The following HNF4G variants were observed in gnomAD, a reference collection of about 807,000 sequenced individuals.
The protein encoded by HNF4G is hepatocyte nuclear factor 4-gamma.
Under a neutral mutation model 50.9 loss-of-function variants are expected in HNF4G, and 21 were observed. That is an observed-to-expected ratio of 0.41 (90% CI 0.29 to 0.59). HNF4G has a LOEUF of 0.59. Ranked by LOEUF, HNF4G falls within the 20% of genes least tolerant of loss-of-function variation. The pLI is 0.26. For missense variants in HNF4G, 527 were observed against 559.4 expected, an observed-to-expected ratio of 0.94 and a Z score of 0.58; for synonymous variants, 198 against 185.6, an observed-to-expected ratio of 1.07 and a Z score of -0.54.
At chr8:75,435,538 A>G (rs1044659692) in intron 1 of HNF4G, among the ~76,000 whole-genome samples, 2 of 152,194 alleles carry the variant, frequency 1.3e-5, no homozygotes, top group African/African-American at 4.8e-5. Flanking sequence ...GACTGGACCC[A>G]GGGCAATGGC....
In HNF4G at chr8:75,471,785, A is replaced by G. The variant is rs573498187; in HGVS notation, c.-143-18304A>G. Reference sequence around the variant, plus strand: ...TTTTCTAATTGGCAAAATAATAATGATGCTAAAGTGTACTCCCAATGTTGT... The same window carrying G: ...TTTTCTAATTGGCAAAATAATAATGGTGCTAAAGTGTACTCCCAATGTTGT... On this transcript the variant is annotated intron_variant, in intron 1 of 10. Coordinates refer to the HNF4G transcript ENST00000354370. Among the ~76,000 whole-genome samples the G allele has an allele frequency of 1.3e-5, 2 of 152,298 alleles. 1 individual carries two copies. The highest frequency in any genetic ancestry group is 2.9e-5 in the Non-Finnish European group (2 of 68,014).
Position 75,565,361 on chromosome 8 carries a change from T to A in HNF4G, c.*1265T>A, listed in dbSNP as rs1322293975. 6.6e-6 allele frequency: 1 copy of A among 152,194 alleles called. No individual in the cohort carries two copies. Among genetic ancestry groups the A allele is most frequent in the Non-Finnish European group, 1.5e-5 (1 of 68,030 alleles). 9.4% of individuals were successfully genotyped at this position (152,194 alleles called of 1,614,324 possible). On this transcript the variant is annotated 3_prime_UTR_variant, in exon 10 of 10. Coordinates refer to ENST00000396423, the MANE Select transcript of HNF4G (RefSeq NM_004133.5). Reference sequence around the variant, plus strand: ...ACCACTTTTGTAGTTTTAACCAGACTTTCTCTTAAAAACATTAGATAAAAT... The same window carrying A: ...ACCACTTTTGTAGTTTTAACCAGACATTCTCTTAAAAACATTAGATAAAAT...
chr8:75,416,279 A>G (rs1339120731), intron 1 of HNF4G, among the ~76,000 whole-genome samples: 2 of 152,194 alleles, frequency 1.3e-5, no homozygotes, highest in Admixed American at 1.3e-4. Context: ...TTTTTTCTGC[A>G]TACGGCTGAC....
At chr8:75,547,535 CTTCTTTTG>C (rs1806821798) in intron 2 of HNF4G, 44 bp from the exon 3 acceptor site, 2 of 1,250,978 alleles carry the variant, frequency 1.6e-6, no homozygotes, top group South Asian at 2.5e-5. Context: ...TGTTTATTTG[CTTCTTTTG>C]TAAATTATAG....
chr8:75,430,133 A>G (rs1017403530), intron 1 of HNF4G, among the ~76,000 whole-genome samples: 3 of 151,082 alleles, frequency 2.0e-5, no homozygotes, highest in South Asian at 2.1e-4. Context: ...CCTGGTCAAC[A>G]GAACGAGATC....
intron 1 of HNF4G, among the ~76,000 whole-genome samples, chr8:75,478,444 C>G (rs1314593638): frequency 6.6e-6 from 1 of 152,114 alleles, no homozygotes; most frequent in Admixed American, 6.5e-5. Context: ...GTTTTTTGTA[C>G]AGCGGATTTT....
At chr8:75,423,060 C>T (rs1414203824) in intron 1 of HNF4G, among the ~76,000 whole-genome samples, 1 of 152,122 alleles carries the variant, frequency 6.6e-6, no homozygotes, top group Admixed American at 6.5e-5. Context: ...TGAGATTCAG[C>T]TGTCTTAATT....
intron 2 of HNF4G, among the ~76,000 whole-genome samples, chr8:75,510,368 A>G (rs934253718): frequency 2.0e-5 from 3 of 152,200 alleles, no homozygotes; most frequent in Non-Finnish European, 2.9e-5. Context: ...TTTGAAAAAC[A>G]TTTTAAAATA....
At chr8:75,535,346 A>G (rs902891997), upstream of HNF4G, among the ~76,000 whole-genome samples, 7 of 85,412 alleles carry the variant, frequency 8.2e-5, no homozygotes, top group Non-Finnish European at 1.3e-4. Flanking sequence ...GCAGCAAGGA[A>G]ATATGATTTT....
chr8:75,512,142 C>A (rs1805771620), intron 2 of HNF4G, among the ~76,000 whole-genome samples: 1 of 151,288 alleles, frequency 6.6e-6, no homozygotes, highest in African/African-American at 2.4e-5. Flanking sequence ...AATAATAATA[C>A]CTTTCTTCTT....
intron 2 of HNF4G, among the ~76,000 whole-genome samples, chr8:75,501,166 A>C (rs1361540181): frequency 6.6e-6 from 1 of 152,176 alleles, no homozygotes; most frequent in Non-Finnish European, 1.5e-5. Context: ...ACAGCTGGCC[A>C]AGGTGGCTCA....
In HNF4G at chr8:75,543,110, G is replaced by A. The variant is rs561750696; in HGVS notation, c.119-701G>A. Among the ~76,000 whole-genome samples, 94 of 152,246 alleles carry A rather than the reference G, an allele frequency of 6.2e-4. 1 individual carries two copies. In the South Asian group the frequency reaches 0.017, roughly 28 times the overall value. On this transcript the variant is annotated intron_variant, in intron 1 of 9. Coordinates refer to ENST00000396423, the MANE Select transcript of HNF4G (RefSeq NM_004133.5). ...TAATCTCAGCTACTCAGGAGGCTGA[G>A]GCATGGGAATCACTTGAACCTGGGA...
chr8:75,454,515 C>T (rs1361343506), intron 1 of HNF4G, among the ~76,000 whole-genome samples: 2 of 152,154 alleles, frequency 1.3e-5, no homozygotes, highest in African/African-American at 4.8e-5. Flanking sequence ...TATGTCATCT[C>T]CAACTGTTTA....
intron 1 of HNF4G, among the ~76,000 whole-genome samples, chr8:75,474,067 C>T (rs1812184809): frequency 6.6e-6 from 1 of 152,092 alleles, no homozygotes; most frequent in Admixed American, 6.6e-5. Context: ...GATCTCTAGA[C>T]ATTGATGAGA....
At chr8:75,500,013 GA>G (rs1812884625) in intron 2 of HNF4G, among the ~76,000 whole-genome samples, 1 of 151,944 alleles carries the variant, frequency 6.6e-6, no homozygotes, top group East Asian at 1.9e-4. Context: ...AACTACAAAA[GA>G]AAAAATAAAT....
intron 1 of HNF4G, among the ~76,000 whole-genome samples, chr8:75,433,014 T>C (rs1811048473): frequency 6.6e-6 from 1 of 152,180 alleles, no homozygotes; most frequent in Non-Finnish European, 1.5e-5. Context: ...AGTCTTCGGA[T>C]GTCTGTACTC....
At chr8:75,444,599 G>A (rs1358298658) in intron 1 of HNF4G, among the ~76,000 whole-genome samples, 2 of 130,148 alleles carry the variant, frequency 1.5e-5, no homozygotes, top group African/African-American at 3.1e-5. Context: ...CCAAGCAAAT[G>A]GAAAACTAAA....
At chr8:75,501,590 G>A (rs1812927865) in intron 2 of HNF4G, among the ~76,000 whole-genome samples, 2 of 152,252 alleles carry the variant, frequency 1.3e-5, no homozygotes, top group East Asian at 3.9e-4. Flanking sequence ...TTCAGTAATA[G>A]TGTGTAGACA....
At chr8:75,536,791 T>G (rs2130776470), upstream of HNF4G, among the ~76,000 whole-genome samples, 1 of 152,258 alleles carries the variant, frequency 6.6e-6, no homozygotes, top group Admixed American at 6.5e-5. Flanking sequence ...ACTAAAAACC[T>G]AAAATTAACT....
Sources: allele counts gnomAD v4.1 joint callset (sites outside exome capture counted in the v4.1 genomes callset), GRCh38; gene constraint gnomAD v4.1.1; transcripts MANE v1.5; gene names NCBI Gene and HGNC (gene_info 2026-07-23, HGNC 2026-07-21).